Variants in PPP1R12B observed in about 807,000 individuals in gnomAD.
The protein encoded by PPP1R12B is myosin phosphatase target subunit 2.
A neutral mutation model predicts 126.1 loss-of-function variants in PPP1R12B; 76 were observed. That is an observed-to-expected ratio of 0.60 (90% CI 0.50 to 0.73). The LOEUF (loss-of-function observed/expected upper bound fraction) is 0.73. PPP1R12B is among the 30% of genes least tolerant of loss of function. The pLI is 0.00. For missense variants in PPP1R12B, 1,052 were observed against 1,205.1 expected, an observed-to-expected ratio of 0.87 and a Z score of 1.88; for synonymous variants, 356 against 434.7, an observed-to-expected ratio of 0.82 and a Z score of 2.25.
chr1:202,528,174 T>C (rs1326719429), intron 18 of PPP1R12B, among the ~76,000 whole-genome samples: 1 of 152,236 alleles, frequency 6.6e-6, no homozygotes, highest in East Asian at 1.9e-4. Context: ...TTTAATATGG[T>C]GCTAACTAAG....
chr1:202,466,010 CTCTA>C (rs887685571), intron 13 of PPP1R12B, among the ~76,000 whole-genome samples: 11 of 152,296 alleles, frequency 7.2e-5, no homozygotes, highest in Middle Eastern at 3.4e-3. Flanking sequence ...GCAAGTTTAG[CTCTA>C]TCTATTACAA....
intron 18 of PPP1R12B, among the ~76,000 whole-genome samples, chr1:202,521,930 A>G (rs1388254712): frequency 6.6e-6 from 1 of 152,232 alleles, no homozygotes; most frequent in Non-Finnish European, 1.5e-5. Flanking sequence ...AATTAATGAT[A>G]AAGAGAAAAT....
At chr1:202,407,093 A>C (rs76421481) in intron 1 of PPP1R12B, among the ~76,000 whole-genome samples, 8,385 of 152,278 alleles carry the variant, frequency 0.055, 370 homozygotes, top group Non-Finnish European at 0.084. Flanking sequence ...CTTTCAAAAA[A>C]CATGATTTGA....
intron 1 of PPP1R12B, among the ~76,000 whole-genome samples, chr1:202,389,027 T>A (rs1663629861): frequency 6.6e-6 from 1 of 152,202 alleles, no homozygotes; most frequent in African/African-American, 2.4e-5. Flanking sequence ...TTCAAATTAA[T>A]GGGGTAAAAA....
At chr1:202,401,361 ATTTTTTTTTTTTT>A (rs34810265) in intron 1 of PPP1R12B, among the ~76,000 whole-genome samples, 455 of 71,448 alleles carry the variant, frequency 6.4e-3, no homozygotes, top group Middle Eastern at 0.016. Context: ...GGCTAATTTA[ATTTTTTTTTTTTT>A]TTTTTTTTTT....
rs534146632 is a variant in PPP1R12B at position 202,432,620 on chromosome 1, T to G, written c.1141+1001T>G. Among the ~76,000 whole-genome samples the G allele has an allele frequency of 1.1e-4, 16 of 151,998 alleles. No individual in the cohort carries two copies. In the East Asian group the frequency reaches 3.1e-3, roughly 29 times the overall value. Reference sequence around the variant, plus strand: ...AAGACAGGAACCCCAACAGTGAGAGTGAGATGTTGAACATGGTCAGACCAA... The same window carrying G: ...AAGACAGGAACCCCAACAGTGAGAGGGAGATGTTGAACATGGTCAGACCAA... On this transcript the variant is annotated intron_variant, in intron 8 of 23. Coordinates refer to ENST00000608999, the MANE Select transcript of PPP1R12B (RefSeq NM_002481.4).
At chr1:202,410,599 A>T (rs531189786) in intron 1 of PPP1R12B, among the ~76,000 whole-genome samples, 2 of 152,328 alleles carry the variant, frequency 1.3e-5, no homozygotes, top group South Asian at 4.1e-4. Context: ...GCACTGATTG[A>T]TATCAGCCAC....
chr1:202,406,278 G>A (rs1434291338), intron 1 of PPP1R12B, among the ~76,000 whole-genome samples: 1 of 152,212 alleles, frequency 6.6e-6, no homozygotes, highest in Non-Finnish European at 1.5e-5. Context: ...AGAGAGGAAG[G>A]AGGTTTCTAA....
At chr1:202,477,594 G>C (rs1252258037) in intron 13 of PPP1R12B, among the ~76,000 whole-genome samples, 2 of 151,858 alleles carry the variant, frequency 1.3e-5, no homozygotes, top group African/African-American at 4.8e-5. Context: ...TTTGAAACAG[G>C]CTCTCACTCT....
chr1:202,557,485 A>G (rs1019492786), intron 18 of PPP1R12B, among the ~76,000 whole-genome samples: 5 of 152,162 alleles, frequency 3.3e-5, no homozygotes, highest in African/African-American at 7.2e-5. Context: ...TAGATTTCCA[A>G]CTTTCAGGAT....
chr1:202,351,030 TTGAAC>T (rs1049809926), intron 1 of PPP1R12B, among the ~76,000 whole-genome samples: 2 of 151,820 alleles, frequency 1.3e-5, no homozygotes, highest in Non-Finnish European at 2.9e-5. Flanking sequence ...TGACAAGGAG[TTGAAC>T]TGAACAAGTA....
chr1:202,428,357 G>T (rs1351324164), intron 5 of PPP1R12B, among the ~76,000 whole-genome samples: 1 of 152,112 alleles, frequency 6.6e-6, no homozygotes, highest in Non-Finnish European at 1.5e-5. Flanking sequence ...CTGAACCCAG[G>T]TTTCATTCTC....
At chr1:202,536,137 A>G (rs1045208539) in intron 18 of PPP1R12B, among the ~76,000 whole-genome samples, 4 of 152,180 alleles carry the variant, frequency 2.6e-5, no homozygotes, top group Admixed American at 2.0e-4. Context: ...CACTTTCTTC[A>G]TCTGTAAGAT....
At chr1:202,564,179 A>G (rs776357577) in intron 20 of PPP1R12B, among the ~76,000 whole-genome samples, 18 of 152,232 alleles carry the variant, frequency 1.2e-4, no homozygotes, top group Admixed American at 6.5e-5. Flanking sequence ...TCTTTTAAGC[A>G]ATGAAAATGT....
chr1:202,402,342 A>C (rs1204669502), intron 1 of PPP1R12B, among the ~76,000 whole-genome samples: 1 of 152,030 alleles, frequency 6.6e-6, no homozygotes, highest in Non-Finnish European at 1.5e-5. Flanking sequence ...TAACTCTTCT[A>C]TTTGTGATCT....
intron 1 of PPP1R12B, among the ~76,000 whole-genome samples, chr1:202,405,745 C>A (rs1368646207): frequency 6.6e-6 from 1 of 152,150 alleles, no homozygotes; most frequent in Non-Finnish European, 1.5e-5. Flanking sequence ...ATTTCATAGT[C>A]TGTGCTCTTA....
chr1:202,539,663 G>C (rs1355373050), intron 18 of PPP1R12B, among the ~76,000 whole-genome samples: 1 of 152,166 alleles, frequency 6.6e-6, no homozygotes, highest in East Asian at 1.9e-4. Flanking sequence ...ATTTCCACAG[G>C]ATTTGTATTT....
intron 23 of PPP1R12B, chr1:202,575,364 AC>A: frequency 1.9e-6 from 1 of 532,344 alleles, no homozygotes. Flanking sequence ...CAGCTGGGCT[AC>A]CAATATATTC....
At chr1:202,441,851 A>G (rs1251345724) in intron 11 of PPP1R12B, among the ~76,000 whole-genome samples, 1 of 148,592 alleles carries the variant, frequency 6.7e-6, no homozygotes, top group Non-Finnish European at 1.5e-5. Context: ...ATTGCAACAC[A>G]CTTTTTTCTT....
Sources: gnomAD v4.1 joint callset for allele counts (sites outside exome capture counted in the v4.1 genomes callset) on GRCh38, gnomAD v4.1.1 for gene constraint, MANE v1.5 for transcripts, NCBI Gene and HGNC (gene_info 2026-07-23, HGNC 2026-07-21) for gene names.